The following GCGR variants were observed in gnomAD, a reference collection of about 807,000 sequenced individuals.
The protein encoded by GCGR is glucagon receptor.
In GCGR, 41 loss-of-function variants were observed where a neutral mutation model predicts 56.1. That is an observed-to-expected ratio of 0.73 (90% confidence interval 0.57 to 0.95). The LOEUF is 0.95. Among genes scored for constraint, GCGR ranks in the 40% least tolerant of loss-of-function variants. The pLI is 0.00. For missense variants in GCGR, 595 were observed against 638.2 expected (o/e 0.93, Z 0.73); for synonymous variants, 278 against 271.1 (o/e 1.03, Z -0.25).
Position 81,810,693 on chromosome 17 carries a change from C to A in GCGR, c.164-132C>A. Reference sequence around the variant, plus strand: ...GGTGGAGGTCAAGTGGGGGAGGGAGCAGCCCAGGCCATGTCCTGGGCGAGG... The same window carrying A: ...GGTGGAGGTCAAGTGGGGGAGGGAGAAGCCCAGGCCATGTCCTGGGCGAGG... On this transcript the variant is annotated intron_variant, in intron 3 of 13. Transcript: ENST00000400723. This position sits in a 1 kb window ranked among gnomAD's most constrained non-coding sequence, Gnocchi z 4.6. 1 of 798,060 alleles carries A rather than the reference C, an allele frequency of 1.3e-6. No individual in the cohort carries two copies. Among genetic ancestry groups the A allele is most frequent in the Non-Finnish European group, 2.0e-6 (1 of 491,194 alleles). 49.4% of individuals were successfully genotyped at this position (798,060 alleles called of 1,614,324 possible). A position where few individuals can be genotyped will look rare whatever the true frequency, so the allele number is the denominator to read the frequency against.
rs1317506583 is a variant in GCGR at position 81,812,286 on chromosome 17, G to T, written c.948+34G>T. 1.8e-5 allele frequency: 28 copies of T among 1,533,500 alleles called. No individual in the cohort carries two copies. In the South Asian group the frequency reaches 3.1e-4, roughly 17 times the overall value. 95.0% of individuals were successfully genotyped at this position (1,533,500 alleles called of 1,614,324 possible). Reference sequence around the variant, plus strand: ...ATGAAGAGCCAGGAGCGCACCCCAGGCCCCTCCTCCCTTGGCGTCCTGAGG... The same window carrying T: ...ATGAAGAGCCAGGAGCGCACCCCAGTCCCCTCCTCCCTTGGCGTCCTGAGG... On this transcript the variant is annotated intron_variant, in intron 10 of 13. Coordinates refer to ENST00000400723, the MANE Select transcript of GCGR (RefSeq NM_000160.5). The surrounding 1 kb of genome is among the most constrained non-coding windows in gnomAD (Gnocchi z 8.5).
chr17:81,810,261 A>T lies in GCGR; in HGVS notation c.163+377A>T. The T allele has an allele frequency of 2.6e-6, 1 of 377,744 alleles. No homozygotes were observed. The highest frequency in any genetic ancestry group is 6.5e-5 in the East Asian group (1 of 15,296). The allele number at this position is 377,744 out of a possible 1,614,324, so 23.4% of individuals were successfully genotyped here. ...GGGAGGGCTCGGGTGGAGAGTGTATATCATGGCCTGGACACTTGGGGTGCA... is the reference window on the plus strand; with the variant it reads ...GGGAGGGCTCGGGTGGAGAGTGTATTTCATGGCCTGGACACTTGGGGTGCA... On this transcript the variant is annotated intron_variant, in intron 3 of 13. Transcript: ENST00000400723. The surrounding 1 kb of genome is among the most constrained non-coding windows in gnomAD (Gnocchi z 4.6).
In GCGR at chr17:81,811,038, C is replaced by T. The variant is rs13306384; in HGVS notation, c.300C>T (p.Cys100=). 5.5e-5 allele frequency: 85 copies of T among 1,536,132 alleles called. 1 individual carries two copies. In the East Asian group the frequency reaches 1.1e-3, roughly 21 times the overall value. The change falls in exon 5 of 14, where the codon TGC becomes TGT. Residue 100 remains cysteine, a synonymous_variant. Coordinates refer to ENST00000400723, the MANE Select transcript of GCGR (RefSeq NM_000160.5). The surrounding 1 kb of genome is among the most constrained non-coding windows in gnomAD (Gnocchi z 5.8). Reference sequence around the variant, plus strand: ...AACACCGCTTCGTGTTCAAGAGATGCGGGCCCGACGGTCAGTGGGTGCGTG... The same window carrying T: ...AACACCGCTTCGTGTTCAAGAGATGTGGGCCCGACGGTCAGTGGGTGCGTG... ...KVQHRFVFKR[C]GPDGQWVRGP...
rs577644525 is a variant in GCGR at position 81,811,620 on chromosome 17, C to T, written c.658-31C>T. On this transcript the variant is annotated intron_variant, in intron 7 of 13. Transcript: ENST00000400723. This position sits in a 1 kb window ranked among gnomAD's most constrained non-coding sequence, Gnocchi z 5.8. ...GGGTGGGCAGCCAGGCAGGTGGCCACGTAGCCGCGCTCACACTGCACCTGT... is the reference window on the plus strand; with the variant it reads ...GGGTGGGCAGCCAGGCAGGTGGCCATGTAGCCGCGCTCACACTGCACCTGT... 4.9e-5 allele frequency: 75 copies of T among 1,535,898 alleles called. No homozygotes were observed. The African/African-American group carries it at 9.6e-4, about 20-fold the overall frequency.
In GCGR at chr17:81,812,052, G is replaced by T; in HGVS notation, c.878+106G>T. 1 of 1,505,192 alleles carries T rather than the reference G, an allele frequency of 6.6e-7. No homozygotes were observed. The highest frequency in any genetic ancestry group is 2.5e-5 in the East Asian group (1 of 40,660). 93.2% of individuals were successfully genotyped at this position (1,505,192 alleles called of 1,614,324 possible). A position where few individuals can be genotyped will look rare whatever the true frequency, so the allele number is the denominator to read the frequency against. On this transcript the variant is annotated intron_variant, in intron 9 of 13. Transcript: ENST00000400723. The surrounding 1 kb of genome is among the most constrained non-coding windows in gnomAD (Gnocchi z 8.5). ...GGGGATGAGCCTGGTGCCTGGGGAG[G>T]GGGTCATTTGTGACCTTCTCCCTTC...
At chr17:81,809,380 T>G (rs1195452869) in intron 2 of GCGR, among the ~76,000 whole-genome samples, 1 of 131,924 alleles carries the variant, frequency 7.6e-6, no homozygotes, top group Non-Finnish European at 1.6e-5. Flanking sequence ...GTCTGTCTGC[T>G]GCCTGTCTGT....
intron 1 of GCGR, among the ~76,000 whole-genome samples, chr17:81,807,820 C>T (rs1354059377): frequency 6.6e-6 from 1 of 152,236 alleles, no homozygotes; most frequent in South Asian, 2.1e-4. Context: ...AACGAAAGGC[C>T]GATTTGTGTA....
rs975232367 is a variant in GCGR at position 81,813,673 on chromosome 17, C to T, written c.1418C>T (p.Ala473Val). The T allele has an allele frequency of 8.5e-6, 13 of 1,535,398 alleles. No individual in the cohort carries two copies. The African/African-American group carries it at 1.4e-4, about 16-fold the overall frequency. Residue 473 changes from alanine to valine, a missense_variant, in exon 14 of 14, where the codon GCT becomes GTT. Physicochemically the swap from Ala to Val is moderately conservative, Grantham distance 64. Transcript: ENST00000400723. The surrounding 1 kb of genome is among the most constrained non-coding windows in gnomAD (Gnocchi z 5.3). ...TTGGCTGGTGGCCTCCCTAGATTGG[C>T]TGAGAGCCCCTTCTGAACCCTGCTG... ...TPLAGGLPRLAESPF is the reference protein window; with the variant it reads ...TPLAGGLPRLVESPF
At chr17:81,805,970 G>C (rs776029971) in intron 1 of GCGR, among the ~76,000 whole-genome samples, 2 of 152,204 alleles carry the variant, frequency 1.3e-5, no homozygotes, top group Non-Finnish European at 2.9e-5. Flanking sequence ...CCTCTCGGGG[G>C]AGAGGGCTGG....
rs1278803264 is a variant in GCGR, at chr17:81,811,148, C to T, written c.393+17C>T. ...GAGGTCCAGGTCAGTGGGCGGCAGG[C>T]AGGCGCGGTGGGGCTGGATGGGAAC... On this transcript the variant is annotated intron_variant, in intron 5 of 13. Coordinates refer to ENST00000400723, the MANE Select transcript of GCGR (RefSeq NM_000160.5). The surrounding 1 kb of genome is among the most constrained non-coding windows in gnomAD (Gnocchi z 5.8). The T allele has an allele frequency of 5.5e-5, 85 of 1,536,148 alleles. No homozygotes were observed. Among genetic ancestry groups the T allele is most frequent in the Non-Finnish European group, 7.2e-5 (82 of 1,146,800 alleles).
At position 81,811,753 on chromosome 17, in the gene GCGR, G is replaced by C. The variant is rs1358089389; in HGVS notation, c.760G>C (p.Gly254Arg). ...GGGCCTGTACCTGCACAACCTGCTG[G>C]GCCTGGCCACCCTCCCCGAGAGGAG... ...VEGLYLHNLLGLATLPERSFF... is the reference protein window; with the variant it reads ...VEGLYLHNLLRLATLPERSFF... The change falls in exon 8 of 14, where the codon GGC becomes CGC. Residue 254 changes from glycine to arginine, a missense_variant. By Grantham distance (125) the Gly-to-Arg change is moderately radical. Coordinates refer to ENST00000400723, the MANE Select transcript of GCGR (RefSeq NM_000160.5). The surrounding 1 kb of genome is among the most constrained non-coding windows in gnomAD (Gnocchi z 5.8). The C allele has an allele frequency of 3.2e-6, 5 of 1,540,730 alleles. No homozygotes were observed. Among genetic ancestry groups the C allele is most frequent in the Non-Finnish European group, 4.4e-6 (5 of 1,149,358 alleles).
At chr17:81,809,332 C>T (rs2038031862) in intron 2 of GCGR, among the ~76,000 whole-genome samples, 1 of 149,454 alleles carries the variant, frequency 6.7e-6, no homozygotes, top group South Asian at 2.1e-4. Flanking sequence ...ATCTGCCTAT[C>T]CATCTGCCTG....
Position 81,813,715 on chromosome 17 carries a change from T to C in GCGR, c.*26T>C. On this transcript the variant is annotated 3_prime_UTR_variant, in exon 14 of 14. Transcript: ENST00000400723. This position sits in a 1 kb window ranked among gnomAD's most constrained non-coding sequence, Gnocchi z 5.3. ...ACCCTGCTGGGACCCCAGCTAGGGC[T>C]GGACTCTGGCACCCAGAGGGCGTCG... 1 of 1,528,080 alleles carries C rather than the reference T, an allele frequency of 6.5e-7. No homozygotes were observed. The highest frequency in any genetic ancestry group is 8.8e-7 in the Non-Finnish European group (1 of 1,141,594). The allele number at this position is 1,528,080 out of a possible 1,614,324, so 94.7% of individuals were successfully genotyped here.
chr17:81,807,650 C>A (rs758521570), intron 1 of GCGR, among the ~76,000 whole-genome samples: 28 of 152,254 alleles, frequency 1.8e-4, no homozygotes, highest in Admixed American at 3.3e-4. Flanking sequence ...CCATCCACAC[C>A]TCTTATTCCA....
In GCGR at chr17:81,812,126, T is replaced by TGAGGGGCG; in HGVS notation, c.879-49_879-42dup. The TGAGGGGCG allele has an allele frequency of 6.6e-7, 1 of 1,519,852 alleles. No individual in the cohort carries two copies. Among genetic ancestry groups the TGAGGGGCG allele is most frequent in the Middle Eastern group, 1.7e-4 (1 of 5,856 alleles). 94.1% of individuals were successfully genotyped at this position (1,519,852 alleles called of 1,614,324 possible). On this transcript the variant is annotated intron_variant, in intron 9 of 13. Transcript: ENST00000400723. The surrounding 1 kb of genome is among the most constrained non-coding windows in gnomAD (Gnocchi z 8.5). ...CCTGGCAAAATCGGGACGGGGGTGC[T>TGAGGGGCG]GAGGGGCGGAGGGGCTGGGGGCTGT...
At chr17:81,808,392 C>A (rs532460299) in intron 1 of GCGR, among the ~76,000 whole-genome samples, 3 of 152,252 alleles carry the variant, frequency 2.0e-5, no homozygotes, top group African/African-American at 4.8e-5. Context: ...ATTGGGTCAA[C>A]CTGCAGGAAG....
At position 81,811,382 on chromosome 17, in the gene GCGR, C is replaced by A; in HGVS notation, c.501-22C>A. On this transcript the variant is annotated intron_variant, in intron 6 of 13. Transcript: ENST00000400723. The surrounding 1 kb of genome is among the most constrained non-coding windows in gnomAD (Gnocchi z 5.8). Reference sequence around the variant, plus strand: ...CGCAGAGGACAGGGAGGAGGACGGGCGCTGACTGGCTGTGCCCACAGCAAG... The same window carrying A: ...CGCAGAGGACAGGGAGGAGGACGGGAGCTGACTGGCTGTGCCCACAGCAAG... 2 of 1,535,918 alleles carry A rather than the reference C, an allele frequency of 1.3e-6. No individual in the cohort carries two copies. The highest frequency in any genetic ancestry group is 1.7e-6 in the Non-Finnish European group (2 of 1,146,558).
chr17:81,810,988 C>A lies in GCGR; in HGVS notation c.272-22C>A. Reference sequence around the variant, plus strand: ...GGCGGGCCCAGGGTGGGGCTGACCCCAGCCTCCCCCCACACCCCCAGTGCA... The same window carrying A: ...GGCGGGCCCAGGGTGGGGCTGACCCAAGCCTCCCCCCACACCCCCAGTGCA... On this transcript the variant is annotated intron_variant, in intron 4 of 13. Coordinates refer to ENST00000400723, the MANE Select transcript of GCGR (RefSeq NM_000160.5). The surrounding 1 kb of genome is among the most constrained non-coding windows in gnomAD (Gnocchi z 4.6). 5 of 1,535,778 alleles carry A rather than the reference C, an allele frequency of 3.3e-6. No individual in the cohort carries two copies. Among genetic ancestry groups the A allele is most frequent in the Non-Finnish European group, 4.4e-6 (5 of 1,146,630 alleles).
At position 81,808,977 on chromosome 17, in the gene GCGR, C is replaced by A; in HGVS notation, c.-42C>A. ...CCAGGACTGCATTGCCCCAGCTGTG[C>A]AGCCCCTGCCAGATGTGGGAGGCAG... On this transcript the variant is annotated 5_prime_UTR_variant, in exon 2 of 14. Coordinates refer to ENST00000400723, the MANE Select transcript of GCGR (RefSeq NM_000160.5). The A allele has an allele frequency of 6.5e-7, 1 of 1,534,860 alleles. No homozygotes were observed. The highest frequency in any genetic ancestry group is 8.7e-7 in the Non-Finnish European group (1 of 1,146,110).
Sources: gnomAD v4.1 joint callset for allele counts (sites outside exome capture counted in the v4.1 genomes callset) on GRCh38, gnomAD v4.1.1 for gene constraint, Gnocchi (gnomAD v3.1) non-coding constraint, MANE v1.5 for transcripts, NCBI Gene and HGNC (gene_info 2026-07-23, HGNC 2026-07-21) for gene names.